The following MGAT4D variants were observed in gnomAD, a reference collection of about 807,000 sequenced individuals.
MGAT4D encodes the protein alpha-1,3-mannosyl-glycoprotein 4-beta-N-acetylglucosaminyltransferase-like protein MGAT4D.
Under a neutral mutation model 15.9 loss-of-function variants are expected in MGAT4D, and 34 were observed. That is an observed-to-expected ratio of 2.14 (90% CI 1.62 to 2.84). MGAT4D has a LOEUF of 2.84. MGAT4D is among the 30% of genes most tolerant of loss of function. MGAT4D has a pLI of 0.00. For synonymous variants in MGAT4D, 112 were observed against 48.2 expected (o/e 2.33, Z -5.49); for missense variants, 327 against 140.2 (o/e 2.33, Z -6.73).
chr4:140,461,817 G>A, intron 7 of MGAT4D, 112 bp downstream of exon 7: 1 of 439,890 alleles, frequency 2.3e-6, no homozygotes, highest in Non-Finnish European at 4.0e-6. Context: ...GAAATTATAG[G>A]AAGGAGGGAG....
chr4:140,473,880 T>TA (rs397770691), intron 4 of MGAT4D, among the ~76,000 whole-genome samples: 3 of 150,926 alleles, frequency 2.0e-5, no homozygotes, highest in East Asian at 2.0e-4. Context: ...TTTTTTTTTT[T>TA]AGTAGAGATG....
At chr4:140,481,044 G>T (rs1475444756) in intron 2 of MGAT4D, among the ~76,000 whole-genome samples, 3 of 152,160 alleles carry the variant, frequency 2.0e-5, no homozygotes, top group African/African-American at 4.8e-5. Flanking sequence ...GGACAGGCAT[G>T]GTCCCGTAAT....
chr4:140,453,101 A>G (rs967468290), intron 9 of MGAT4D, among the ~76,000 whole-genome samples: 1 of 152,022 alleles, frequency 6.6e-6, no homozygotes, highest in African/African-American at 2.4e-5. Flanking sequence ...GCTCCATGGA[A>G]CTTTATGCTT....
At chr4:140,480,773 ACACACACACACACG>A (rs1732659967) in intron 2 of MGAT4D, among the ~76,000 whole-genome samples, 1 of 137,598 alleles carries the variant, frequency 7.3e-6, no homozygotes, top group Non-Finnish European at 1.6e-5. Context: ...ACACACACAC[ACACACACACACACG>A]CAGTGGGGCA....
At chr4:140,488,163 A>G (rs1733265287) in intron 1 of MGAT4D, among the ~76,000 whole-genome samples, 3 of 152,190 alleles carry the variant, frequency 2.0e-5, no homozygotes, top group Non-Finnish European at 4.4e-5. Flanking sequence ...CTGCTCAAAG[A>G]TTATAAATAG....
chr4:140,473,347 C>T (rs1005082628), intron 4 of MGAT4D, among the ~76,000 whole-genome samples: 1 of 152,098 alleles, frequency 6.6e-6, no homozygotes, highest in Non-Finnish European at 1.5e-5. Flanking sequence ...TTATCAGCCT[C>T]TTATGGGTAG....
In MGAT4D at chr4:140,483,537, C is replaced by T. The variant is rs1274697146; in HGVS notation, c.95-1052G>A. On this transcript the variant is annotated intron_variant, in intron 1 of 10. Transcript: ENST00000511113. Reference sequence around the variant, plus strand: ...AACCCCTGCAATTCATATGAAACCACAAAAGACCCCAAAAAGCCAAAGCAA... The same window carrying T: ...AACCCCTGCAATTCATATGAAACCATAAAAGACCCCAAAAAGCCAAAGCAA... Among the ~76,000 whole-genome samples the T allele has an allele frequency of 2.0e-5, 3 of 152,008 alleles. No individual in the cohort carries two copies. The East Asian group carries it at 5.8e-4, about 29-fold the overall frequency.
chr4:140,462,797 G>A (rs1374833791), intron 6 of MGAT4D: 1 of 152,190 alleles, frequency 6.6e-6, no homozygotes, highest in African/African-American at 2.4e-5. Context: ...ATTAAGGAGA[G>A]AATTATAGCA....
intron 1 of MGAT4D, among the ~76,000 whole-genome samples, chr4:140,483,718 T>G (rs1408383800): frequency 6.6e-6 from 1 of 152,112 alleles, no homozygotes; most frequent in African/African-American, 2.4e-5. Context: ...GCATTTACAG[T>G]AACTTGATCT....
chr4:140,493,675 C>T (rs140285755), intron 1 of MGAT4D, among the ~76,000 whole-genome samples: 2 of 152,002 alleles, frequency 1.3e-5, no homozygotes. Flanking sequence ...TTCTTTGTTC[C>T]AAGAGTTTCT....
intron 3 of MGAT4D, 34 bp downstream of exon 3, chr4:140,479,456 C>A: frequency 2.3e-6 from 1 of 440,380 alleles, no homozygotes; most frequent in Non-Finnish European, 4.0e-6. Context: ...ATCAAAATAC[C>A]TTTATTTAAT....
chr4:140,496,021 C>T (rs1001055627), intron 1 of MGAT4D, among the ~76,000 whole-genome samples: 5 of 152,138 alleles, frequency 3.3e-5, no homozygotes, highest in East Asian at 1.9e-4. Context: ...GTGTGAGCCA[C>T]CCCACTGCGC....
intron 10 of MGAT4D, among the ~76,000 whole-genome samples, chr4:140,448,385 G>A (rs1730265710): frequency 6.6e-6 from 1 of 152,084 alleles, no homozygotes; most frequent in South Asian, 2.1e-4. Context: ...ATTTCTTGGA[G>A]GCTTTGTTTA....
chr4:140,486,248 T>C (rs1466861027), intron 1 of MGAT4D, among the ~76,000 whole-genome samples: 1 of 149,024 alleles, frequency 6.7e-6, no homozygotes, highest in Non-Finnish European at 1.5e-5. Context: ...CATATCCTGT[T>C]GTGGCAGAAG....
rs181531128 is a variant in MGAT4D, at chr4:140,486,146, C to T, written c.95-3661G>A. On this transcript the variant is annotated intron_variant, in intron 1 of 10. Transcript: ENST00000511113. ...ACTGGCCTCCTTGCTGTTCCTCACA[C>T]GAGCCAAACACTCTCCTACCTTAGG... Among the ~76,000 whole-genome samples the T allele has an allele frequency of 3.5e-3, 530 of 152,124 alleles. 5 individuals carry two copies. The highest frequency in any genetic ancestry group is 6.1e-3 in the Non-Finnish European group (416 of 67,988).
chr4:140,466,529 C>G (rs886483566), intron 5 of MGAT4D, among the ~76,000 whole-genome samples: 2 of 152,018 alleles, frequency 1.3e-5, no homozygotes, highest in African/African-American at 4.8e-5. Flanking sequence ...TTAAATTACT[C>G]TTGATAAAAT....
At chr4:140,454,313 C>T (rs558539814) in intron 9 of MGAT4D, among the ~76,000 whole-genome samples, 3 of 152,142 alleles carry the variant, frequency 2.0e-5, no homozygotes, top group East Asian at 1.9e-4. Flanking sequence ...GGTTTTATTA[C>T]GTATGAATTT....
intron 1 of MGAT4D, among the ~76,000 whole-genome samples, chr4:140,487,117 C>A (rs1476792469): frequency 6.6e-6 from 1 of 152,210 alleles, no homozygotes; most frequent in Non-Finnish European, 1.5e-5. Flanking sequence ...AATCTTAGAT[C>A]TGCTTCTTGT....
At position 140,498,187 on chromosome 4, in the gene MGAT4D, C is replaced by G. The variant is rs1392811341; in HGVS notation, c.36G>C (p.Leu12=). 9 of 702,484 alleles carry G rather than the reference C, an allele frequency of 1.3e-5. No homozygotes were observed. Among genetic ancestry groups the G allele is most frequent in the East Asian group, 2.7e-5 (1 of 37,254 alleles). 43.5% of individuals were successfully genotyped at this position (702,484 alleles called of 1,614,324 possible). Residue 12 remains leucine (L), a synonymous_variant, in exon 1 of 11, where the codon CTG becomes CTC. Transcript: ENST00000511113. Reference sequence around the variant, plus strand: ...AGAAGCTGAACAACGCGACGGCGACCAGGGTGATCAGCAAGTTCACCTGCT... The same window carrying G: ...AGAAGCTGAACAACGCGACGGCGACGAGGGTGATCAGCAAGTTCACCTGCT... ...RTKQVNLLIT[L]VAVALFSFSC...
Sources: gnomAD v4.1 joint callset for allele counts (sites outside exome capture counted in the v4.1 genomes callset) on GRCh38, gnomAD v4.1.1 for gene constraint, MANE v1.5 for transcripts, NCBI Gene and HGNC (gene_info 2026-07-23, HGNC 2026-07-21) for gene names.